The following SH3TC2 variants were observed in gnomAD, a reference collection of about 807,000 sequenced individuals.
SH3TC2 encodes the protein SH3 domain and tetratricopeptide repeat-containing protein 2.
Under a neutral mutation model 124.5 loss-of-function variants are expected in SH3TC2, and 87 were observed. That is an observed-to-expected ratio of 0.70 (90% confidence interval 0.59 to 0.84). The LOEUF (loss-of-function observed/expected upper bound fraction) is 0.84. Among genes scored for constraint, SH3TC2 ranks in the 40% least tolerant of loss-of-function variants. The pLI, the probability that SH3TC2 is intolerant of heterozygous loss-of-function variation, is 0.00. For missense variants in SH3TC2, 1,536 were observed against 1,566.4 expected (o/e 0.98, Z 0.33); for synonymous variants, 634 against 628.5 (o/e 1.01, Z -0.13).
chr5:149,046,829 A>T (rs975631671), intron 3 of SH3TC2: 1 of 152,192 alleles, frequency 6.6e-6, no homozygotes, highest in Non-Finnish European at 1.5e-5. Context: ...CAGATATTAA[A>T]AAAAATAAAA....
intron 2 of SH3TC2, among the ~76,000 whole-genome samples, chr5:149,049,709 G>C (rs1182617364): frequency 6.6e-6 from 1 of 152,078 alleles, no homozygotes; most frequent in Admixed American, 6.5e-5. Flanking sequence ...CTTGAGCACA[G>C]GAGGCTGAGG....
rs1406146527 is a variant in SH3TC2, at chr5:148,999,969, G to A, written c.*4742C>T. On this transcript the variant is annotated 3_prime_UTR_variant, in exon 17 of 17. Transcript: ENST00000515425. ...CCCTCTGGACCTTTGCTTGACACAT[G>A]CACTGTCTGTCAATACCAACCTGCT... is the stretch of plus-strand genomic sequence containing the variant. 6.6e-6 allele frequency among the ~76,000 whole-genome samples: 1 copy of A among 152,074 alleles called. No individual in the cohort carries two copies. Among genetic ancestry groups the A allele is most frequent in the East Asian group, 1.9e-4 (1 of 5,194 alleles).
Position 149,027,779 on chromosome 5 carries a change from C to T in SH3TC2, c.1953G>A (p.Glu651=), listed in dbSNP as rs1172525443. The part of the protein sequence containing the change: ...RLLLSLGRHE[E]VLPFAERLQL... ...GCAGGCGCTCGGCAAAGGGCAGGAC[C>T]TCCTCGTGCCGGCCTAGGCTCAGGA... The change falls in exon 11 of 17, where the codon GAG becomes GAA. Residue 651 remains glutamate, a synonymous_variant. Transcript: ENST00000515425. The T allele has an allele frequency of 6.2e-7, 1 of 1,613,854 alleles. No homozygotes were observed. Among genetic ancestry groups the T allele is most frequent in the Non-Finnish European group, 8.5e-7 (1 of 1,180,002 alleles).
chr5:149,040,798 T>C (rs918776692), intron 6 of SH3TC2, 121 bp from the exon 7 acceptor site: 3 of 872,626 alleles, frequency 3.4e-6, no homozygotes, highest in African/African-American at 3.3e-5. Context: ...ATTTAAATGA[T>C]GGCAAAAGTT....
In SH3TC2 at chr5:148,994,579, T is replaced by C. The variant is rs886060138; in HGVS notation, c.*10132A>G. Among the ~76,000 whole-genome samples the C allele has an allele frequency of 8.0e-5, 12 of 150,906 alleles. No individual in the cohort carries two copies. Among genetic ancestry groups the C allele is most frequent in the Admixed American group, 5.3e-4 (8 of 15,092 alleles). On this transcript the variant is annotated 3_prime_UTR_variant, in exon 17 of 17. Coordinates refer to ENST00000515425, the MANE Select transcript of SH3TC2 (RefSeq NM_024577.4). ...AGTTGGTTGTTTCATTGGTTGGGTA[T>C]GTGGGTGGTTGGGTGGTTAGATGGT...
rs76955068 is a variant in SH3TC2 at position 148,991,742 on chromosome 5, G to T, written c.*12969C>A. 0.017 allele frequency among the ~76,000 whole-genome samples: 2,529 copies of T among 152,272 alleles called. 34 individuals carry two copies. The highest frequency in any genetic ancestry group is 0.027 in the Middle Eastern group (8 of 294). ...GAGGCTCTTGCAAACTGCTTTTGTA[G>T]AAATTATACTCACTGGTGTCCAACC... On this transcript the variant is annotated 3_prime_UTR_variant, in exon 17 of 17. Coordinates refer to ENST00000515425, the MANE Select transcript of SH3TC2 (RefSeq NM_024577.4).
In SH3TC2 at chr5:148,989,142, C is replaced by G. The variant is rs2127387765; in HGVS notation, c.*15569G>C. 6.6e-6 allele frequency among the ~76,000 whole-genome samples: 1 copy of G among 152,238 alleles called. No homozygotes were observed. The highest frequency in any genetic ancestry group is 2.1e-4 in the South Asian group (1 of 4,808). On this transcript the variant is annotated 3_prime_UTR_variant, in exon 17 of 17. Transcript: ENST00000515425. The stretch of plus-strand genomic sequence containing the variant: ...TATTTCCTTGAGTTCCTTTTGGAGT[C>G]ATTGAATTCCCTTTTTGAGTCTTTT...
rs1244757905 is a variant in SH3TC2, at chr5:148,994,681, T to A, written c.*10030A>T. ...TTGGTTAATTGGCTGGTTGGATAAA[T>A]GAATGGATGGATGGAAGGATGGATG... On this transcript the variant is annotated 3_prime_UTR_variant, in exon 17 of 17. Transcript: ENST00000515425. Among the ~76,000 whole-genome samples, 7 of 146,918 alleles carry A rather than the reference T, an allele frequency of 4.8e-5. No individual in the cohort carries two copies.
rs1032096739 is a variant in SH3TC2 at position 148,984,200 on chromosome 5, A to G, written c.*20511T>C. Among the ~76,000 whole-genome samples, 4 of 152,006 alleles carry G rather than the reference A, an allele frequency of 2.6e-5. No homozygotes were observed. Among genetic ancestry groups the G allele is most frequent in the Non-Finnish European group, 1.5e-5 (1 of 67,994 alleles). ...TAGTTCTCTTGATGGTTTCCCATAG[A>G]TCCCATAGACTTCTTTTATTCTTTT... On this transcript the variant is annotated 3_prime_UTR_variant, in exon 17 of 17. Coordinates refer to ENST00000515425, the MANE Select transcript of SH3TC2 (RefSeq NM_024577.4).
At chr5:149,023,188 T>G (rs142366508) in intron 12 of SH3TC2, among the ~76,000 whole-genome samples, 125 of 152,308 alleles carry the variant, frequency 8.2e-4, no homozygotes, top group African/African-American at 2.8e-3. Flanking sequence ...GTTCTGTTTG[T>G]GGGTATTTGG....
chr5:149,009,415 T>A (rs933480354), intron 14 of SH3TC2, among the ~76,000 whole-genome samples: 2 of 152,188 alleles, frequency 1.3e-5, no homozygotes, highest in Non-Finnish European at 2.9e-5. Flanking sequence ...TTTATCATGA[T>A]AGAATTTTAG....
At position 148,994,777 on chromosome 5, in the gene SH3TC2, C is replaced by T. The variant is rs571706402; in HGVS notation, c.*9934G>A. ...ATAGATGGATGAATAGATGGATAAC[C>T]GTCTGCATCCTCTGTCCCAAAGGAG... On this transcript the variant is annotated 3_prime_UTR_variant, in exon 17 of 17. Coordinates refer to ENST00000515425, the MANE Select transcript of SH3TC2 (RefSeq NM_024577.4). 7.0e-4 allele frequency among the ~76,000 whole-genome samples: 102 copies of T among 145,962 alleles called. No individual in the cohort carries two copies. Among genetic ancestry groups the T allele is most frequent in the African/African-American group, 2.5e-3 (99 of 40,098 alleles).
chr5:149,036,475 T>A (rs534020585), intron 8 of SH3TC2, among the ~76,000 whole-genome samples: 1 of 152,272 alleles, frequency 6.6e-6, no homozygotes, highest in African/African-American at 2.4e-5. Context: ...CCAGGGTTCT[T>A]CCCCCATTCC....
chr5:148,990,681 A>T lies in SH3TC2; in HGVS notation c.*14030T>A, dbSNP rs1007678170. ...CCTTGAGGTTGTTGTGAACACAGAA[A>T]ATGAAATCATGCATTCAAAGAATTT... is the stretch of plus-strand genomic sequence containing the variant. On this transcript the variant is annotated 3_prime_UTR_variant, in exon 17 of 17. Coordinates refer to ENST00000515425, the MANE Select transcript of SH3TC2 (RefSeq NM_024577.4). 1.3e-5 allele frequency among the ~76,000 whole-genome samples: 2 copies of T among 152,234 alleles called. No individual in the cohort carries two copies. Among genetic ancestry groups the T allele is most frequent in the Non-Finnish European group, 2.9e-5 (2 of 68,044 alleles).
intron 8 of SH3TC2, among the ~76,000 whole-genome samples, chr5:149,037,760 T>C (rs1264225566): frequency 6.6e-6 from 1 of 152,146 alleles, no homozygotes; most frequent in Non-Finnish European, 1.5e-5. Flanking sequence ...GCCAGGCAGA[T>C]GGGTCTGCTC....
intron 16 of SH3TC2, among the ~76,000 whole-genome samples, chr5:149,005,716 C>T (rs1050870642): frequency 2.0e-5 from 3 of 152,138 alleles, no homozygotes; most frequent in African/African-American, 4.8e-5. Context: ...CATTAACCCT[C>T]ATAAGTCAGT....
At chr5:149,031,223 T>C (rs1017001240) in intron 9 of SH3TC2, among the ~76,000 whole-genome samples, 2 of 152,162 alleles carry the variant, frequency 1.3e-5, no homozygotes, top group Non-Finnish European at 2.9e-5. Flanking sequence ...ACTGGGGGCT[T>C]ACTTCAGTCC....
chr5:149,004,625 G>T lies in SH3TC2; in HGVS notation c.*86C>A, dbSNP rs886060194. 2 of 1,454,888 alleles carry T rather than the reference G, an allele frequency of 1.4e-6. No homozygotes were observed. The highest frequency in any genetic ancestry group is 4.0e-5 in the Admixed American group (2 of 49,862). 90.1% of individuals were successfully genotyped at this position (1,454,888 alleles called of 1,614,324 possible). On this transcript the variant is annotated 3_prime_UTR_variant, in exon 17 of 17. Coordinates refer to ENST00000515425, the MANE Select transcript of SH3TC2 (RefSeq NM_024577.4). ...AGGGGGCTAGGCCAGGTAAGGACTC[G>T]GACCCTCCCAATGAGTATTTAAGAG...
intron 8 of SH3TC2, 25 bp from the exon 9 acceptor site, chr5:149,031,712 G>C: frequency 6.2e-7 from 1 of 1,613,452 alleles, no homozygotes; most frequent in Non-Finnish European, 8.5e-7. Context: ...AAAACACAGA[G>C]ACAGATTACT....
Sources: gnomAD v4.1 joint callset for allele counts (sites outside exome capture counted in the v4.1 genomes callset) on GRCh38, gnomAD v4.1.1 for gene constraint, MANE v1.5 for transcripts, NCBI Gene and HGNC (gene_info 2026-07-23, HGNC 2026-07-21) for gene names.